The following GSTCD variants were observed in gnomAD, a reference collection of about 807,000 sequenced individuals.
GSTCD encodes the protein glutathione S-transferase C-terminal domain containing.
In GSTCD, 44 loss-of-function variants were observed where a neutral mutation model predicts 68.3. That is an observed-to-expected ratio of 0.64 (90% CI 0.51 to 0.83). The LOEUF (loss-of-function observed/expected upper bound fraction) is 0.83. GSTCD is among the 40% of genes least tolerant of loss of function. The pLI is 0.00. For missense variants in GSTCD, 739 were observed against 735.9 expected (o/e 1.00, Z -0.05); for synonymous variants, 273 against 255.2 (o/e 1.07, Z -0.67).
At chr4:105,753,606 A>G (rs759088202) in intron 5 of GSTCD, among the ~76,000 whole-genome samples, 3 of 152,166 alleles carry the variant, frequency 2.0e-5, no homozygotes, top group East Asian at 1.9e-4. Flanking sequence ...AGATGACAGT[A>G]TATGGGAGGA....
chr4:105,823,760 G>A (rs1423179198), intron 7 of GSTCD: 1 of 151,054 alleles, frequency 6.6e-6, no homozygotes, highest in East Asian at 1.9e-4. Flanking sequence ...TTCTCATTAA[G>A]TCACTGTCCA....
rs1239129217 is a variant in GSTCD at position 105,822,891 on chromosome 4, C to G, written c.1241-63C>G. On this transcript the variant is annotated intron_variant, in intron 5 of 11. Coordinates refer to ENST00000515279, the MANE Select transcript of GSTCD (RefSeq NM_001370181.1). ...CTCTATGCTGGTAGTCTATTTTAAG[C>G]GTGTCTTCTTGTTCCCTCAAAATAT... The G allele has an allele frequency of 8.6e-6, 10 of 1,166,968 alleles. No individual in the cohort carries two copies. The East Asian group carries it at 2.3e-4, about 27-fold the overall frequency. 72.3% of individuals were successfully genotyped at this position (1,166,968 alleles called of 1,614,324 possible).
At chr4:105,750,285 A>G (rs926936073) in intron 5 of GSTCD, among the ~76,000 whole-genome samples, 3 of 151,872 alleles carry the variant, frequency 2.0e-5, no homozygotes, top group Non-Finnish European at 4.4e-5. Context: ...ACATGGAGAA[A>G]CCCTGTCTCT....
chr4:105,720,147 A>ATC (rs369063434), intron 3 of GSTCD, among the ~76,000 whole-genome samples: 31 of 142,676 alleles, frequency 2.2e-4, no homozygotes, highest in South Asian at 1.3e-3. Context: ...GAGTAGGAAG[A>ATC]TCTCTCTCTC....
intron 5 of GSTCD, among the ~76,000 whole-genome samples, chr4:105,800,983 A>G (rs932735936): frequency 2.0e-5 from 3 of 152,150 alleles, no homozygotes; most frequent in East Asian, 1.9e-4. Flanking sequence ...AATTTTCTCT[A>G]TAAGGCACAT....
intron 5 of GSTCD, among the ~76,000 whole-genome samples, chr4:105,747,895 G>GTTA (rs1182250433): frequency 1.3e-5 from 2 of 150,982 alleles, no homozygotes; most frequent in African/African-American, 4.9e-5. Context: ...ACAGTTTGTT[G>GTTA]TTGTTGTTTA....
At chr4:105,765,842 C>T (rs1734584095) in intron 5 of GSTCD, among the ~76,000 whole-genome samples, 1 of 152,172 alleles carries the variant, frequency 6.6e-6, no homozygotes, top group South Asian at 2.1e-4. Context: ...GCACTTGTCT[C>T]TCCTGCCACC....
chr4:105,825,422 G>A (rs1378881801), intron 7 of GSTCD, among the ~76,000 whole-genome samples: 1 of 152,106 alleles, frequency 6.6e-6, no homozygotes, highest in Non-Finnish European at 1.5e-5. Context: ...GAGCCACCAC[G>A]CCCGGCCCAC....
chr4:105,842,773 G>A (rs1157740968), intron 11 of GSTCD, among the ~76,000 whole-genome samples: 1 of 152,142 alleles, frequency 6.6e-6, no homozygotes, highest in African/African-American at 2.4e-5. Context: ...ATATACATAT[G>A]GGGTAGGTAC....
At chr4:105,796,201 AAG>A (rs949524319) in intron 5 of GSTCD, among the ~76,000 whole-genome samples, 2 of 152,092 alleles carry the variant, frequency 1.3e-5, no homozygotes, top group African/African-American at 4.8e-5. Context: ...GCAGCAGGCA[AAG>A]AGAGAGAGAG....
chr4:105,777,251 A>T (rs1735107136), intron 5 of GSTCD, among the ~76,000 whole-genome samples: 1 of 152,136 alleles, frequency 6.6e-6, no homozygotes, highest in South Asian at 2.1e-4. Flanking sequence ...GGGAAATTAA[A>T]ATTCTATAAT....
intron 5 of GSTCD, among the ~76,000 whole-genome samples, chr4:105,804,745 C>T (rs947587202): frequency 5.9e-5 from 9 of 152,080 alleles, no homozygotes; most frequent in Non-Finnish European, 1.2e-4. Flanking sequence ...CATCCCATCA[C>T]CTAGGAATTA....
At chr4:105,786,796 C>T (rs1247660323) in intron 5 of GSTCD, among the ~76,000 whole-genome samples, 1 of 152,042 alleles carries the variant, frequency 6.6e-6, no homozygotes, top group African/African-American at 2.4e-5. Context: ...TGAGATACCA[C>T]TCCACATCTG....
At chr4:105,718,979 C>G (rs1031156485) in intron 2 of GSTCD, 81 bp from the exon 3 acceptor site, 1 of 1,095,662 alleles carries the variant, frequency 9.1e-7, no homozygotes, top group African/African-American at 1.6e-5. Flanking sequence ...AAACTTATTT[C>G]CCAATAAGAC....
intron 5 of GSTCD, among the ~76,000 whole-genome samples, chr4:105,764,351 A>C (rs142097963): frequency 1.3e-5 from 2 of 152,186 alleles, no homozygotes; most frequent in Non-Finnish European, 1.5e-5. Context: ...ACTTATTTTA[A>C]ACTCTGTAAG....
intron 5 of GSTCD, among the ~76,000 whole-genome samples, chr4:105,785,028 A>C (rs551265635): frequency 8.3e-4 from 126 of 152,294 alleles, no homozygotes; most frequent in Non-Finnish European, 1.5e-3. Context: ...AGGCCTTCTC[A>C]GTGGACACAA....
At chr4:105,782,608 C>CA (rs1232801888) in intron 5 of GSTCD, among the ~76,000 whole-genome samples, 1 of 151,072 alleles carries the variant, frequency 6.6e-6, no homozygotes, top group African/African-American at 2.4e-5. Context: ...TTTTTTGAGA[C>CA]AGAGTCTTGC....
chr4:105,766,463 A>G (rs1367533719), intron 5 of GSTCD, among the ~76,000 whole-genome samples: 1 of 152,218 alleles, frequency 6.6e-6, no homozygotes, highest in Non-Finnish European at 1.5e-5. Context: ...TCCCCGCTAT[A>G]TAGAATAGAA....
Position 105,823,241 on chromosome 4 carries a change from G to A in GSTCD, c.1367G>A (p.Gly456Glu), listed in dbSNP as rs756437346. The A allele has an allele frequency of 6.2e-7, 1 of 1,613,842 alleles. No homozygotes were observed. The highest frequency in any genetic ancestry group is 2.2e-5 in the East Asian group (1 of 44,872). The change falls in exon 7 of 12, where the codon GGA becomes GAA. Residue 456 changes from glycine to glutamate, a missense_variant. Physicochemically the swap from Gly to Glu is moderately conservative, Grantham distance 98. Coordinates refer to ENST00000515279, the MANE Select transcript of GSTCD (RefSeq NM_001370181.1). ...TACTGACTTTTTCAGGGCCATGTTGGAATTGTCCTTGCTCACATGCTGCCA... is the reference window on the plus strand; with the variant it reads ...TACTGACTTTTTCAGGGCCATGTTGAAATTGTCCTTGCTCACATGCTGCCA... ...VDFCSGGGHV[G>E]IVLAHMLPSC...
Sources: allele counts gnomAD v4.1 joint callset (sites outside exome capture counted in the v4.1 genomes callset), GRCh38; gene constraint gnomAD v4.1.1; transcripts MANE v1.5; gene names NCBI Gene and HGNC (gene_info 2026-07-23, HGNC 2026-07-21).